TTC7A: variants seen among roughly 807,000 people sequenced by gnomAD.
TTC7A encodes tetratricopeptide repeat protein 7A.
In TTC7A, 110 loss-of-function variants were observed where a neutral mutation model predicts 103.7. The ratio of observed to expected loss-of-function variants is 1.06; its 90% CI spans 0.91 to 1.24. The LOEUF is 1.24. Among genes scored for constraint, TTC7A ranks in the 50% most tolerant of loss-of-function variants. The probability of loss-of-function intolerance (pLI) is 0.00; values close to 1 mark genes in which losing one functional copy is unlikely to be tolerated. For missense variants in TTC7A, 1,340 were observed against 1,116.3 expected (o/e 1.20, Z -2.86); for synonymous variants, 521 against 467.9 (o/e 1.11, Z -1.47).
chr2:46,994,263 G>T, intron 6 of TTC7A, 94 bp from the exon 7 acceptor site: 7 of 1,443,952 alleles, frequency 4.8e-6, no homozygotes, highest in South Asian at 1.3e-5. Flanking sequence ...TGCAAGCGGG[G>T]CAGATTTAGC....
chr2:46,933,904 C>G (rs1669835887), intron 2 of TTC7A, among the ~76,000 whole-genome samples: 1 of 152,102 alleles, frequency 6.6e-6, no homozygotes. Context: ...AGGGACCCCA[C>G]ATGGTAAGTA....
Position 46,941,335 on chromosome 2 carries a change from G to A in TTC7A, c.-207G>A, listed in dbSNP as rs1055048359. 2.8e-5 allele frequency: 7 copies of A among 250,836 alleles called. No homozygotes were observed. The highest frequency in any genetic ancestry group is 1.4e-4 in the African/African-American group (6 of 43,766). The allele number at this position is 250,836 out of a possible 1,614,324, so 15.5% of individuals were successfully genotyped here. On this transcript the variant is annotated 5_prime_UTR_variant, in exon 1 of 20. Transcript: ENST00000319190. This position sits in a 1 kb window ranked among gnomAD's most constrained non-coding sequence, Gnocchi z 4.2. The stretch of plus-strand genomic sequence containing the variant: ...CGCTCGGCCGGAGCCGCAGCCCGGA[G>A]GCGCCGGGCGGTGCGCTGGGAGCTG...
At chr2:46,999,914 A>T in intron 8 of TTC7A, 2 of 985,130 alleles carry the variant, frequency 2.0e-6, no homozygotes, top group Non-Finnish European at 2.4e-6. Context: ...GGGTCCTGGG[A>T]CTCTGCAGAT....
At chr2:47,052,542 G>A (rs369293969) in intron 18 of TTC7A, among the ~76,000 whole-genome samples, 2 of 152,324 alleles carry the variant, frequency 1.3e-5, no homozygotes, top group East Asian at 3.9e-4. Flanking sequence ...GAGGCAGCAT[G>A]GCCCCACGGA....
chr2:47,059,310 TAGCCCAGCCACCTGC>T (rs1558639668), intron 18 of TTC7A, among the ~76,000 whole-genome samples: 1 of 152,040 alleles, frequency 6.6e-6, no homozygotes, highest in African/African-American at 2.4e-5. Context: ...CGTGAGCCTG[TAGCCCAGCCACCTGC>T]ATTTTTTAAG....
At chr2:47,055,332 C>G (rs80225400) in intron 18 of TTC7A, among the ~76,000 whole-genome samples, 1 of 152,210 alleles carries the variant, frequency 6.6e-6, no homozygotes, top group Non-Finnish European at 1.5e-5. Flanking sequence ...AAGAGACTGT[C>G]GTAGCCTTCC....
chr2:46,954,794 T>C (rs537802726), intron 2 of TTC7A, among the ~76,000 whole-genome samples: 1 of 152,214 alleles, frequency 6.6e-6, no homozygotes, highest in Admixed American at 6.5e-5. Context: ...TGGTCTCAAA[T>C]TCCTGATCTT....
chr2:47,006,935 G>A (rs1395042222), intron 10 of TTC7A, among the ~76,000 whole-genome samples: 1 of 152,168 alleles, frequency 6.6e-6, no homozygotes, highest in African/African-American at 2.4e-5. Flanking sequence ...CGGTGTGCTG[G>A]TGTGAGTCTG....
chr2:47,039,514 A>G (rs1366848319), intron 15 of TTC7A, among the ~76,000 whole-genome samples: 1 of 152,224 alleles, frequency 6.6e-6, no homozygotes. Context: ...TGGCTTAGCC[A>G]GAGACACCAC....
intron 17 of TTC7A, chr2:47,050,969 T>C (rs1682811669): frequency 6.6e-6 from 1 of 152,176 alleles, no homozygotes; most frequent in African/African-American, 2.4e-5. Flanking sequence ...GTGCTCACAT[T>C]TCACCTGCAT....
intron 19 of TTC7A, among the ~76,000 whole-genome samples, chr2:47,072,124 A>G (rs1194222334): frequency 6.6e-6 from 1 of 152,140 alleles, no homozygotes; most frequent in Admixed American, 6.5e-5. Context: ...TGGAACAGCT[A>G]GGCCTGGTGC....
At chr2:47,040,435 C>T (rs1474603317) in intron 15 of TTC7A, 12 of 152,310 alleles carry the variant, frequency 7.9e-5, no homozygotes, top group African/African-American at 2.9e-4. Context: ...TCAGTGTTTA[C>T]TTCACATGGG....
rs907470595 is a variant in TTC7A, at chr2:47,047,440, A to C, written c.1919+1009A>C. 8.2e-6 allele frequency: 6 copies of C among 731,366 alleles called. No individual in the cohort carries two copies. The Admixed American group carries it at 1.8e-4, about 21-fold the overall frequency. 45.3% of individuals were successfully genotyped at this position (731,366 alleles called of 1,614,324 possible). A position where few individuals can be genotyped will look rare whatever the true frequency, so the allele number is the denominator to read the frequency against. ...CCAGTGGGCGGAAGCTGCCAGAAGG[A>C]GGCTCTGGGGTTGAGGGACTTTTCA... On this transcript the variant is annotated intron_variant, in intron 16 of 19. Transcript: ENST00000319190.
At chr2:47,008,965 G>T (rs984523800) in intron 10 of TTC7A, among the ~76,000 whole-genome samples, 1 of 151,952 alleles carries the variant, frequency 6.6e-6, no homozygotes, top group Non-Finnish European at 1.5e-5. Flanking sequence ...AAATAGCAGC[G>T]TTTTTTGGTG....
intron 2 of TTC7A, among the ~76,000 whole-genome samples, chr2:46,933,041 G>C (rs988347615): frequency 6.6e-6 from 1 of 152,144 alleles, no homozygotes. Flanking sequence ...CACTGAAAAG[G>C]CTCTGAGCCC....
intron 3 of TTC7A, among the ~76,000 whole-genome samples, chr2:46,967,970 C>T (rs933118911): frequency 2.6e-5 from 4 of 151,964 alleles, no homozygotes; most frequent in Non-Finnish European, 5.9e-5. Flanking sequence ...GGTGCTGCAG[C>T]TGTCCTCGTG....
chr2:47,064,967 C>G (rs909208892), intron 19 of TTC7A, among the ~76,000 whole-genome samples: 4 of 152,196 alleles, frequency 2.6e-5, no homozygotes, highest in African/African-American at 9.7e-5. Flanking sequence ...ATGGGAGATA[C>G]TCAGGGAAAA....
intron 2 of TTC7A, chr2:46,956,600 A>C (rs1671874583): frequency 1.9e-6 from 1 of 536,388 alleles, no homozygotes; most frequent in South Asian, 2.4e-5. Context: ...CATAAAACGC[A>C]CACACATGAA....
intron 6 of TTC7A, 116 bp downstream of exon 6, chr2:46,993,644 TGTGGCAGA>T (rs1321025459): frequency 1.1e-6 from 1 of 927,150 alleles, no homozygotes; most frequent in African/African-American, 1.6e-5. Context: ...CCTGCCTGCT[TGTGGCAGA>T]GGTTGGTAAT....
Sources: gnomAD v4.1 joint callset for allele counts (sites outside exome capture counted in the v4.1 genomes callset) on GRCh38, gnomAD v4.1.1 for gene constraint, Gnocchi (gnomAD v3.1) non-coding constraint, MANE v1.5 for transcripts, NCBI Gene and HGNC (gene_info 2026-07-23, HGNC 2026-07-21) for gene names.